PIK3CB: variants seen among roughly 807,000 people sequenced by gnomAD.
The protein encoded by PIK3CB is phosphatidylinositol-4,5-bisphosphate 3-kinase catalytic subunit beta.
A neutral mutation model predicts 136.8 loss-of-function variants in PIK3CB; 39 were observed. That is an observed-to-expected ratio of 0.29 (90% confidence interval 0.22 to 0.37). PIK3CB has a LOEUF of 0.37. PIK3CB is among the 10% of genes least tolerant of loss of function. The pLI is 1.00. For synonymous variants in PIK3CB, 428 were observed against 436.6 expected (o/e 0.98, Z 0.25); for missense variants, 868 against 1,275.4 (o/e 0.68, Z 4.87).
At chr3:138,787,616 T>G (rs1437430873) in intron 2 of PIK3CB, among the ~76,000 whole-genome samples, 4 of 152,026 alleles carry the variant, frequency 2.6e-5, no homozygotes, top group African/African-American at 7.2e-5. Flanking sequence ...AGGGAATATA[T>G]TTTTCCAACA....
At chr3:138,808,420 C>G (rs1333456685) in intron 1 of PIK3CB, among the ~76,000 whole-genome samples, 1 of 152,034 alleles carries the variant, frequency 6.6e-6, no homozygotes. Context: ...CATTTGAGCC[C>G]AGGAGTTCAA....
intron 1 of PIK3CB, among the ~76,000 whole-genome samples, chr3:138,811,667 G>A (rs1223849412): frequency 5.3e-5 from 8 of 151,952 alleles, no homozygotes; most frequent in South Asian, 4.1e-4. Flanking sequence ...CTCATGATCC[G>A]CCCGCCTCGG....
At chr3:138,674,845 C>G (rs1237067435) in intron 19 of PIK3CB, among the ~76,000 whole-genome samples, 1 of 152,166 alleles carries the variant, frequency 6.6e-6, no homozygotes, top group African/African-American at 2.4e-5. Context: ...CACCTGAGGT[C>G]AGGAGTTCAA....
At chr3:138,712,717 C>A (rs953655510) in intron 9 of PIK3CB, among the ~76,000 whole-genome samples, 29 of 152,042 alleles carry the variant, frequency 1.9e-4, no homozygotes, top group African/African-American at 6.8e-4. Context: ...CAGGCACCCG[C>A]CACCACACCC....
intron 4 of PIK3CB, among the ~76,000 whole-genome samples, chr3:138,750,961 C>G (rs2045459494): frequency 6.6e-6 from 1 of 152,146 alleles, no homozygotes; most frequent in Non-Finnish European, 1.5e-5. Flanking sequence ...ACACTCAATA[C>G]TACTGAACTG....
intron 7 of PIK3CB, among the ~76,000 whole-genome samples, chr3:138,734,212 A>C (rs1161242716): frequency 4.6e-5 from 7 of 152,200 alleles, no homozygotes; most frequent in Non-Finnish European, 1.0e-4. Context: ...TTTAGTACTA[A>C]AAGAATTCAG....
chr3:138,815,156 A>AT, intron 1 of PIK3CB, among the ~76,000 whole-genome samples: 1 of 117,770 alleles, frequency 8.5e-6, no homozygotes, highest in African/African-American at 3.5e-5. Flanking sequence ...AAAAAAAAAA[A>AT]AAAAAAATAT....
chr3:138,817,162 C>A (rs907369255), intron 1 of PIK3CB, among the ~76,000 whole-genome samples: 4 of 152,064 alleles, frequency 2.6e-5, no homozygotes, highest in Admixed American at 6.6e-5. Context: ...CACAGTGAAA[C>A]CCCGTCTCTA....
At chr3:138,770,809 T>G (rs942491615) in intron 2 of PIK3CB, among the ~76,000 whole-genome samples, 1 of 151,854 alleles carries the variant, frequency 6.6e-6, no homozygotes, top group Non-Finnish European at 1.5e-5. Flanking sequence ...GCTCCCAGGT[T>G]CAAGCAGTTC....
At chr3:138,789,087 T>A (rs9821694) in intron 2 of PIK3CB, among the ~76,000 whole-genome samples, 74,465 of 149,756 alleles carry the variant, frequency 0.5, 20,782 homozygotes, top group East Asian at 0.98. Context: ...GGTGCAAATA[T>A]AAAATGGTAT....
intron 8 of PIK3CB, among the ~76,000 whole-genome samples, chr3:138,726,495 C>A (rs2044840082): frequency 6.6e-6 from 1 of 152,156 alleles, no homozygotes; most frequent in South Asian, 2.1e-4. Context: ...CCCCGCTTCT[C>A]CTGCCACTGC....
intron 8 of PIK3CB, among the ~76,000 whole-genome samples, chr3:138,723,085 AG>A (rs766777036): frequency 0.014 from 2,097 of 151,074 alleles, 17 homozygotes; most frequent in Non-Finnish European, 0.02. Context: ...CCCAATAAAA[AG>A]AAAAGAAGCA....
At chr3:138,707,962 A>AT (rs1431753669) in intron 10 of PIK3CB, among the ~76,000 whole-genome samples, 1 of 152,082 alleles carries the variant, frequency 6.6e-6, no homozygotes, top group Admixed American at 6.6e-5. Context: ...GCATCATATA[A>AT]TTTTTTTATT....
chr3:138,806,754 T>C (rs2046238618), intron 1 of PIK3CB, among the ~76,000 whole-genome samples: 2 of 152,188 alleles, frequency 1.3e-5, no homozygotes, highest in Admixed American at 6.5e-5. Context: ...TAGAGATTTC[T>C]TGGATGGGAA....
At chr3:138,739,042 A>G (rs74420984) in intron 5 of PIK3CB, among the ~76,000 whole-genome samples, 1,794 of 152,262 alleles carry the variant, frequency 0.012, 22 homozygotes, top group Non-Finnish European at 0.018. Context: ...TGGCGAATTC[A>G]TATGTAGAAA....
chr3:138,774,530 A>T (rs548485450), intron 2 of PIK3CB, among the ~76,000 whole-genome samples: 16 of 152,356 alleles, frequency 1.1e-4, no homozygotes, highest in Non-Finnish European at 2.9e-5. Context: ...GAATGTCAAC[A>T]AATCTTCCTT....
In PIK3CB at chr3:138,771,888, C is replaced by G. The variant is rs962947375; in HGVS notation, c.-16-12529G>C. ...AGTGAACCCTGTTTGCAGAACTGCA[C>G]TCCAGCACGGGCAACAGAGCAAGAC... On this transcript the variant is annotated intron_variant, in intron 2 of 23. Coordinates refer to ENST00000674063, the MANE Select transcript of PIK3CB (RefSeq NM_006219.3). Among the ~76,000 whole-genome samples the G allele has an allele frequency of 1.0e-4, 15 of 146,610 alleles. No homozygotes were observed. In the East Asian group the frequency reaches 2.6e-3, roughly 26 times the overall value.
At chr3:138,828,611 T>A (rs2108927191) in intron 1 of PIK3CB, among the ~76,000 whole-genome samples, 1 of 151,940 alleles carries the variant, frequency 6.6e-6, no homozygotes, top group East Asian at 1.9e-4. Flanking sequence ...AACAATAAAA[T>A]AAGCAAGCTG....
chr3:138,673,576 C>T (rs1042423430), intron 19 of PIK3CB, among the ~76,000 whole-genome samples: 3 of 152,146 alleles, frequency 2.0e-5, no homozygotes, highest in African/African-American at 7.2e-5. Flanking sequence ...ATATCTACTT[C>T]TCCATAAAAG....
Sources: allele counts gnomAD v4.1 joint callset (sites outside exome capture counted in the v4.1 genomes callset), GRCh38; gene constraint gnomAD v4.1.1; transcripts MANE v1.5; gene names NCBI Gene and HGNC (gene_info 2026-07-23, HGNC 2026-07-21).